Variants in SPNS3 observed in about 807,000 individuals in gnomAD.
SPNS3 encodes protein spinster homolog 3.
SPNS3 carries 51 observed loss-of-function variants against 54.4 expected under a neutral mutation model. That is an observed-to-expected ratio of 0.94 (90% confidence interval 0.75 to 1.18). The LOEUF is 1.18. Ranked by LOEUF, SPNS3 falls within the 50% of genes most tolerant of loss-of-function variation. The pLI is 0.00. For synonymous variants in SPNS3, 309 were observed against 294.7 expected (o/e 1.05, Z -0.50); for missense variants, 669 against 677.4 (o/e 0.99, Z 0.14).
chr17:4,456,610 C>A (rs527397495), intron 8 of SPNS3, among the ~76,000 whole-genome samples: 1 of 152,196 alleles, frequency 6.6e-6, no homozygotes, highest in Non-Finnish European at 1.5e-5. Context: ...ACTGCAACCT[C>A]TACCTTTCAG....
In SPNS3 at chr17:4,487,952, T is replaced by G; in HGVS notation, c.*58T>G. On this transcript the variant is annotated 3_prime_UTR_variant, in exon 12 of 12. Transcript: ENST00000355530. ...CTCCCGTTGGTCCCCACAGCAGCAG[T>G]GCCTCGGTTCCTCTTTGGCTGTCCT... The G allele has an allele frequency of 6.7e-7, 1 of 1,491,736 alleles. No homozygotes were observed. Among genetic ancestry groups the G allele is most frequent in the Admixed American group, 1.7e-5 (1 of 58,212 alleles). 92.4% of individuals were successfully genotyped at this position (1,491,736 alleles called of 1,614,324 possible).
In SPNS3 at chr17:4,448,058, G is replaced by A. The variant is rs1045784054; in HGVS notation, c.622-97G>A. 6 of 1,266,220 alleles carry A rather than the reference G, an allele frequency of 4.7e-6. No individual in the cohort carries two copies. The African/African-American group carries it at 6.2e-5, about 13-fold the overall frequency. 78.4% of individuals were successfully genotyped at this position (1,266,220 alleles called of 1,614,324 possible). A position where few individuals can be genotyped will look rare whatever the true frequency, so the allele number is the denominator to read the frequency against. ...TACCCCCAGGGCTTGGAAACCAGAG[G>A]TCAGCCACTGGCTGATACTGTGGCC... On this transcript the variant is annotated intron_variant, in intron 5 of 11. Transcript: ENST00000355530.
rs1389976935 is a variant in SPNS3, at chr17:4,439,120, C to T, written c.200-538C>T. Among the ~76,000 whole-genome samples the T allele has an allele frequency of 2.7e-5, 4 of 150,886 alleles. No individual in the cohort carries two copies. In the East Asian group the frequency reaches 7.8e-4, roughly 29 times the overall value. On this transcript the variant is annotated intron_variant, in intron 1 of 11. Coordinates refer to ENST00000355530, the MANE Select transcript of SPNS3 (RefSeq NM_182538.5). ...GTGCCTTTGGGATGCTTCTTTCTTT[C>T]TTTTTCTTTCTTTTTTTTTTGAGAT...
chr17:4,484,578 C>T lies in SPNS3; in HGVS notation c.1180-1650C>T, dbSNP rs147054716. 6.3e-3 allele frequency among the ~76,000 whole-genome samples: 957 copies of T among 152,292 alleles called. 6 individuals carry two copies. The highest frequency in any genetic ancestry group is 7.7e-3 in the Non-Finnish European group (526 of 68,036). Reference sequence around the variant, plus strand: ...TCAAGTGATCCACCTGCCTCAGTCTCCCAAAGTGCTGGGATTACAGGTGTG... The same window carrying T: ...TCAAGTGATCCACCTGCCTCAGTCTTCCAAAGTGCTGGGATTACAGGTGTG... On this transcript the variant is annotated intron_variant, in intron 9 of 11. Coordinates refer to ENST00000355530, the MANE Select transcript of SPNS3 (RefSeq NM_182538.5).
intron 2 of SPNS3, among the ~76,000 whole-genome samples, chr17:4,444,261 C>T (rs191403218): frequency 6.6e-6 from 1 of 151,802 alleles, no homozygotes; most frequent in African/African-American, 2.4e-5. Flanking sequence ...GTCGCCCAGG[C>T]TGGAGTGCAG....
chr17:4,485,267 A>C (rs1223237912), intron 9 of SPNS3: 1 of 152,210 alleles, frequency 6.6e-6, no homozygotes, highest in Non-Finnish European at 1.5e-5. Flanking sequence ...GATCAGTACC[A>C]TTATTACCCC....
At chr17:4,469,025 T>G (rs1414737179) in intron 8 of SPNS3, among the ~76,000 whole-genome samples, 1 of 151,908 alleles carries the variant, frequency 6.6e-6, no homozygotes. Flanking sequence ...TGACCTCAGG[T>G]GATCTGCCCA....
chr17:4,462,174 C>A (rs1282311105), intron 8 of SPNS3, among the ~76,000 whole-genome samples: 9 of 42 alleles, frequency 0.21, no homozygotes, highest in African/African-American at 0.38. Context: ...TCCATCCATC[C>A]ATCCATCCAT....
chr17:4,458,339 CCCTCTCTCCCTT>C, intron 8 of SPNS3, among the ~76,000 whole-genome samples: 1 of 150,046 alleles, frequency 6.7e-6, no homozygotes, highest in East Asian at 2.0e-4. Flanking sequence ...TTCCCTCCCT[CCCTCTCTCCCTT>C]CCTCTCCCTC....
At chr17:4,475,193 T>C (rs1029821751) in intron 8 of SPNS3, among the ~76,000 whole-genome samples, 2 of 152,170 alleles carry the variant, frequency 1.3e-5, no homozygotes, top group African/African-American at 4.8e-5. Flanking sequence ...GCTGAGGGGC[T>C]CCATGTTTCT....
intron 9 of SPNS3, chr17:4,485,018 G>A (rs1972273697): frequency 6.6e-6 from 1 of 152,114 alleles, no homozygotes. Context: ...GGAGTTGCGG[G>A]AGCTCAGGGC....
chr17:4,444,860 T>C (rs1970940958), intron 2 of SPNS3, 172 bp from the exon 3 acceptor site: 2 of 777,330 alleles, frequency 2.6e-6, no homozygotes, highest in Non-Finnish European at 4.2e-6. Flanking sequence ...TGCGGCTGCA[T>C]GTTGGCCACG....
chr17:4,461,401 G>A (rs1323046433), intron 8 of SPNS3, among the ~76,000 whole-genome samples: 1 of 41,238 alleles, frequency 2.4e-5, no homozygotes, highest in Non-Finnish European at 4.7e-5. Context: ...ACAGGGTCTT[G>A]CTTTGTTTCC....
intron 8 of SPNS3, among the ~76,000 whole-genome samples, chr17:4,456,483 C>T (rs957436925): frequency 1.3e-5 from 2 of 152,276 alleles, no homozygotes; most frequent in South Asian, 2.1e-4. Context: ...TTAGTCCTCA[C>T]GACTGACACT....
At chr17:4,462,754 A>ATCT (rs1567566655) in intron 8 of SPNS3, among the ~76,000 whole-genome samples, 2 of 20,388 alleles carry the variant, frequency 9.8e-5, no homozygotes, top group African/African-American at 5.8e-4. Flanking sequence ...TCCATCCACC[A>ATCT]ATCCATCCAT....
At chr17:4,446,815 C>A in intron 4 of SPNS3, 81 bp from the exon 5 acceptor site, 1 of 1,347,494 alleles carries the variant, frequency 7.4e-7, no homozygotes, top group Non-Finnish European at 1.1e-6. Flanking sequence ...GTGGGGGGGG[C>A]ACCCTGGGTC....
At chr17:4,470,370 G>A (rs1229330596) in intron 8 of SPNS3, among the ~76,000 whole-genome samples, 2 of 152,202 alleles carry the variant, frequency 1.3e-5, no homozygotes, top group Non-Finnish European at 2.9e-5. Flanking sequence ...AGAGGTTGCA[G>A]TGAGCCGAGA....
chr17:4,437,676 T>TAAATAAATA (rs1555528535), intron 1 of SPNS3, among the ~76,000 whole-genome samples: 3 of 150,380 alleles, frequency 2.0e-5, no homozygotes, highest in African/African-American at 4.9e-5. Flanking sequence ...CAAAAATAAA[T>TAAATAAATA]AAATAAAATA....
intron 8 of SPNS3, among the ~76,000 whole-genome samples, chr17:4,465,498 C>G (rs903794730): frequency 6.6e-6 from 1 of 152,006 alleles, no homozygotes; most frequent in Middle Eastern, 3.4e-3. Flanking sequence ...GAGGCCGAGG[C>G]GGGAGGATTA....
Sources: allele counts gnomAD v4.1 joint callset (sites outside exome capture counted in the v4.1 genomes callset), GRCh38; gene constraint gnomAD v4.1.1; transcripts MANE v1.5; gene names NCBI Gene and HGNC (gene_info 2026-07-23, HGNC 2026-07-21).